HS3ST4: variants seen among roughly 807,000 people sequenced by gnomAD.
HS3ST4 encodes the protein heparan sulfate-glucosamine 3-sulfotransferase 4.
In HS3ST4, 17 loss-of-function variants were observed where a neutral mutation model predicts 29.2. That is an observed-to-expected ratio of 0.58 (90% CI 0.40 to 0.87). The LOEUF (loss-of-function observed/expected upper bound fraction) is 0.87, where lower values mean the gene tolerates loss of function less well. Ranked by LOEUF, HS3ST4 falls within the 40% of genes least tolerant of loss-of-function variation. HS3ST4 has a pLI of 0.00. For synonymous variants in HS3ST4, 314 were observed against 285.7 expected, an observed-to-expected ratio of 1.10 and a Z score of -1.00; for missense variants, 627 against 634.5, an observed-to-expected ratio of 0.99 and a Z score of 0.13.
At chr16:25,772,869 A>G (rs1479131123) in intron 1 of HS3ST4, among the ~76,000 whole-genome samples, 1 of 152,188 alleles carries the variant, frequency 6.6e-6, no homozygotes, top group South Asian at 2.1e-4. Flanking sequence ...ACGTCGAGAG[A>G]TGGAGAAACG....
intron 1 of HS3ST4, among the ~76,000 whole-genome samples, chr16:25,970,009 G>C (rs1968880361): frequency 6.6e-6 from 1 of 152,248 alleles, no homozygotes; most frequent in Non-Finnish European, 1.5e-5. Context: ...GGCACAGTCA[G>C]TAATTGTGGA....
At chr16:26,025,096 A>G (rs1969454535) in intron 1 of HS3ST4, 1 of 152,000 alleles carries the variant, frequency 6.6e-6, no homozygotes, top group African/African-American at 2.4e-5. Flanking sequence ...TTGCTTTTAT[A>G]TAGATTTGCA....
At chr16:26,134,628 G>T (rs1422225049) in intron 1 of HS3ST4, among the ~76,000 whole-genome samples, 1 of 152,074 alleles carries the variant, frequency 6.6e-6, no homozygotes, top group Non-Finnish European at 1.5e-5. Flanking sequence ...CCAAAGTGCT[G>T]GGATTTGAGG....
chr16:26,118,118 T>A (rs1007148926), intron 1 of HS3ST4, among the ~76,000 whole-genome samples: 3 of 152,084 alleles, frequency 2.0e-5, no homozygotes, highest in Non-Finnish European at 2.9e-5. Flanking sequence ...CACTCTGGAG[T>A]GCAGTGGTGT....
intron 1 of HS3ST4, among the ~76,000 whole-genome samples, chr16:25,848,030 C>G (rs1025085996): frequency 2.6e-5 from 4 of 151,962 alleles, no homozygotes; most frequent in African/African-American, 9.7e-5. Flanking sequence ...TTTCAGTGTT[C>G]TAAAATAATC....
chr16:25,938,947 G>C lies in HS3ST4; in HGVS notation c.735-196665G>C, dbSNP rs540996836. On this transcript the variant is annotated intron_variant, in intron 1 of 1. Coordinates refer to ENST00000331351, the MANE Select transcript of HS3ST4 (RefSeq NM_006040.3). ...CTGCTAAACCAGACGTTCTGCAAGG[G>C]GAATGTCTGTCTCATGCTGTGTACC... Among the ~76,000 whole-genome samples, 24 of 152,312 alleles carry C rather than the reference G, an allele frequency of 1.6e-4. No individual in the cohort carries two copies. The South Asian group carries it at 5.0e-3, about 32-fold the overall frequency.
rs137876439 is a variant in HS3ST4 at position 25,985,287 on chromosome 16, T to C, written c.735-150325T>C. On this transcript the variant is annotated intron_variant, in intron 1 of 1. Transcript: ENST00000331351. The stretch of plus-strand genomic sequence containing the variant: ...AGGTGAATTGAGACAATGTGAAGGA[T>C]GAGTTTCAGAGAAGCTAGGAGATGG... 7.9e-5 allele frequency among the ~76,000 whole-genome samples: 12 copies of C among 152,282 alleles called. No homozygotes were observed. In the East Asian group the frequency reaches 2.3e-3, roughly 29 times the overall value.
At position 25,692,808 on chromosome 16, in the gene HS3ST4, G is replaced by T; in HGVS notation, c.391G>T (p.Gly131Cys). The part of the protein sequence containing the change: ...PGTDGWGLPS[G>C]GGGAQDAWLR... ...GACCGACGGCTGGGGGCTGCCGAGC[G>T]GCGGCGGAGGCGCCCAGGACGCCTG... Residue 131 changes from glycine to cysteine, a missense_variant, in exon 1 of 2, where the codon GGC (glycine) becomes TGC (cysteine). Physicochemically the swap from Gly to Cys is radical, Grantham distance 159. This residue lies in a region of HS3ST4 where 402 missense variants were observed against 340.8 expected (regional missense o/e 1.18). Coordinates refer to ENST00000331351, the MANE Select transcript of HS3ST4 (RefSeq NM_006040.3). 2 of 1,381,518 alleles carry T rather than the reference G, an allele frequency of 1.4e-6. No individual in the cohort carries two copies. Among genetic ancestry groups the T allele is most frequent in the Non-Finnish European group, 1.9e-6 (2 of 1,076,762 alleles). 85.6% of individuals were successfully genotyped at this position (1,381,518 alleles called of 1,614,324 possible). A position where few individuals can be genotyped will look rare whatever the true frequency, so the allele number is the denominator to read the frequency against.
chr16:26,058,907 A>G (rs1409038341), intron 1 of HS3ST4, among the ~76,000 whole-genome samples: 1 of 152,150 alleles, frequency 6.6e-6, no homozygotes, highest in African/African-American at 2.4e-5. Context: ...ATGTCAAGGA[A>G]GGATGATTTT....
intron 1 of HS3ST4, among the ~76,000 whole-genome samples, chr16:26,020,047 A>G (rs1211632795): frequency 3.9e-5 from 6 of 152,070 alleles, no homozygotes; most frequent in Admixed American, 3.9e-4. Context: ...TGCTTCCCCT[A>G]AACACCGCCC....
intron 1 of HS3ST4, among the ~76,000 whole-genome samples, chr16:25,928,035 C>CAAAAAA (rs767016845): frequency 1.4e-4 from 7 of 50,878 alleles, no homozygotes; most frequent in African/African-American, 3.5e-4. Context: ...CCCATCTCGA[C>CAAAAAA]AAAAAAAAAA....
At chr16:25,772,919 A>G (rs1388681075) in intron 1 of HS3ST4, among the ~76,000 whole-genome samples, 1 of 152,196 alleles carries the variant, frequency 6.6e-6, no homozygotes, top group Non-Finnish European at 1.5e-5. Context: ...AAGGTTGAAG[A>G]TGCCACGTTC....
At chr16:25,794,923 AC>A (rs1966879105) in intron 1 of HS3ST4, among the ~76,000 whole-genome samples, 1 of 150,000 alleles carries the variant, frequency 6.7e-6, no homozygotes, top group Non-Finnish European at 1.5e-5. Flanking sequence ...ACACACACAC[AC>A]ACACACACAC....
chr16:25,766,872 G>C (rs1966822915), intron 1 of HS3ST4, among the ~76,000 whole-genome samples: 1 of 152,084 alleles, frequency 6.6e-6, no homozygotes, highest in African/African-American at 2.4e-5. Flanking sequence ...TTAAAGATAA[G>C]AAAAGTGAAA....
intron 1 of HS3ST4, among the ~76,000 whole-genome samples, chr16:25,841,525 TC>T (rs1967413257): frequency 6.6e-6 from 1 of 152,192 alleles, no homozygotes; most frequent in Non-Finnish European, 1.5e-5. Context: ...GCCCAAAATA[TC>T]TGCCTACCTT....
chr16:25,860,925 G>C (rs1319003596), intron 1 of HS3ST4, among the ~76,000 whole-genome samples: 3 of 152,162 alleles, frequency 2.0e-5, no homozygotes, highest in Non-Finnish European at 4.4e-5. Flanking sequence ...GCACCATGCT[G>C]CTGGGGGATG....
chr16:25,977,501 C>T (rs1968955385), intron 1 of HS3ST4, among the ~76,000 whole-genome samples: 1 of 152,188 alleles, frequency 6.6e-6, no homozygotes, highest in African/African-American at 2.4e-5. Context: ...ATAATACAGA[C>T]CCCTAGGACC....
intron 1 of HS3ST4, among the ~76,000 whole-genome samples, chr16:25,746,248 TAGTGTTATA>T (rs1423170985): frequency 1.3e-5 from 2 of 152,156 alleles, no homozygotes; most frequent in Admixed American, 1.3e-4. Flanking sequence ...GAGTACAAAA[TAGTGTTATA>T]AGTGTTATAA....
chr16:25,760,717 C>T (rs933966803), intron 1 of HS3ST4, among the ~76,000 whole-genome samples: 6 of 152,146 alleles, frequency 3.9e-5, no homozygotes, highest in African/African-American at 1.4e-4. Flanking sequence ...CAGCACCGGG[C>T]TCTAATTACC....
Sources: gnomAD v4.1 joint callset for allele counts (sites outside exome capture counted in the v4.1 genomes callset) on GRCh38, gnomAD v4.1.1 for gene constraint, gnomAD v4.1.1 regional missense constraint, MANE v1.5 for transcripts, NCBI Gene and HGNC (gene_info 2026-07-23, HGNC 2026-07-21) for gene names.